The following CRLS1 variants were observed in gnomAD, a reference collection of about 807,000 sequenced individuals.
The protein encoded by CRLS1 is cardiolipin synthase 1, also known as cardiolipin synthase (CMP-forming).
CRLS1 carries 24 observed loss-of-function variants against 37.0 expected under a neutral mutation model. The ratio of observed to expected loss-of-function variants is 0.65; its 90% CI spans 0.47 to 0.91. The LOEUF (loss-of-function observed/expected upper bound fraction) is 0.91. CRLS1 is among the 40% of genes least tolerant of loss of function. The pLI is 0.00. For missense variants in CRLS1, 373 were observed against 395.8 expected (o/e 0.94, Z 0.49); for synonymous variants, 135 against 159.7 (o/e 0.85, Z 1.17).
At chr20:6,021,060 T>G (rs1322598015) in intron 3 of CRLS1, among the ~76,000 whole-genome samples, 2 of 144,194 alleles carry the variant, frequency 1.4e-5, no homozygotes. Flanking sequence ...GATTTTGTTT[T>G]GTATCTTTTT....
chr20:6,021,195 T>C (rs1979258971), intron 3 of CRLS1, among the ~76,000 whole-genome samples: 1 of 151,718 alleles, frequency 6.6e-6, no homozygotes. Flanking sequence ...GTCTCCTGAC[T>C]AGCTGGAATT....
At chr20:6,032,305 CT>C (rs1980223975) in intron 5 of CRLS1, among the ~76,000 whole-genome samples, 1 of 150,760 alleles carries the variant, frequency 6.6e-6, no homozygotes, top group African/African-American at 2.4e-5. Flanking sequence ...AGAGTTTAAG[CT>C]CTGAATGAGG....
intron 5 of CRLS1, 118 bp downstream of exon 5, chr20:6,032,198 G>C: frequency 2.6e-6 from 2 of 778,658 alleles, no homozygotes; most frequent in Non-Finnish European, 4.3e-6. Flanking sequence ...GAGTATAGAG[G>C]CTAGAGAGTA....
intron 1 of CRLS1, among the ~76,000 whole-genome samples, chr20:6,007,743 C>G (rs2090078446): frequency 1.3e-5 from 2 of 152,158 alleles, no homozygotes; most frequent in South Asian, 4.1e-4. Context: ...TTGCTGTAAC[C>G]TTTGATCAGT....
At chr20:6,018,373 T>G (rs1978938969) in intron 3 of CRLS1, among the ~76,000 whole-genome samples, 1 of 152,206 alleles carries the variant, frequency 6.6e-6, no homozygotes, top group Non-Finnish European at 1.5e-5. Flanking sequence ...TACATGCTTA[T>G]TTATGTCTTG....
intron 1 of CRLS1, chr20:6,006,874 CT>C: frequency 1.1e-6 from 1 of 947,022 alleles, no homozygotes; most frequent in Non-Finnish European, 1.3e-6. Context: ...ATTTTTAATT[CT>C]TTTGAAGTGA....
intron 1 of CRLS1, 88 bp downstream of exon 1, chr20:6,006,640 C>T (rs1462505872): frequency 3.3e-6 from 4 of 1,215,822 alleles, no homozygotes; most frequent in African/African-American, 1.6e-5. Flanking sequence ...TGGTGCAGCT[C>T]GGACGCTTCC....
At chr20:6,027,616 T>C (rs1268193845) in intron 3 of CRLS1, among the ~76,000 whole-genome samples, 1 of 151,934 alleles carries the variant, frequency 6.6e-6, no homozygotes, top group Non-Finnish European at 1.5e-5. Flanking sequence ...GGTTTTGCCA[T>C]GTTGGCCAGG....
chr20:6,009,881 G>A lies in CRLS1; in HGVS notation c.413G>A (p.Gly138Glu). The change falls in exon 2 of 7, where the codon GGA becomes GAA. Residue 138 changes from glycine (G) to glutamate (E), a missense_variant. Coordinates refer to ENST00000378863, the MANE Select transcript of CRLS1 (RefSeq NM_019095.6). ...GAAGAAGATTTTAATATTGCACTAG[G>A]AGTTTTTGCTTTAGCTGGACTAACA... Reference protein sequence around the residue: ...IIEEDFNIALGVFALAGLTDL... With the variant: ...IIEEDFNIALEVFALAGLTDL... The A allele has an allele frequency of 6.2e-7, 1 of 1,613,890 alleles. No homozygotes were observed. Among genetic ancestry groups the A allele is most frequent in the Middle Eastern group, 1.7e-4 (1 of 6,060 alleles).
intron 3 of CRLS1, 98 bp from the exon 4 acceptor site, chr20:6,031,187 C>T: frequency 1.4e-6 from 1 of 697,260 alleles, no homozygotes; most frequent in Non-Finnish European, 2.2e-6. Context: ...GTGAAAACAG[C>T]AGTTTGTGGT....
intron 2 of CRLS1, 91 bp downstream of exon 2, chr20:6,010,003 C>T (rs1417272200): frequency 8.5e-5 from 107 of 1,265,462 alleles, no homozygotes; most frequent in Non-Finnish European, 1.1e-4. Context: ...CCTGCTTTTC[C>T]TTGGGAGGAA....
At chr20:6,033,086 A>G (rs1414623022) in intron 5 of CRLS1, among the ~76,000 whole-genome samples, 8 of 149,850 alleles carry the variant, frequency 5.3e-5, no homozygotes, top group African/African-American at 1.9e-4. Context: ...ATTTTATTTT[A>G]TATTTTATAT....
At position 6,006,403 on chromosome 20, in the gene CRLS1, C is replaced by T; in HGVS notation, c.157C>T (p.Pro53Ser). 7.1e-7 allele frequency: 1 copy of T among 1,408,840 alleles called. No homozygotes were observed. The highest frequency in any genetic ancestry group is 9.3e-7 in the Non-Finnish European group (1 of 1,080,088). 87.3% of individuals were successfully genotyped at this position (1,408,840 alleles called of 1,614,324 possible). Residue 53 changes from proline (P) to serine (S), a missense_variant, in exon 1 of 7, where the codon CCG becomes TCG. By Grantham distance (74) the Pro-to-Ser change is moderately conservative (BLOSUM62 -1). Transcript: ENST00000378863. ...CCTGGCCGAACGCTGGAGGCTGCGT[C>T]CGGCCGCTCTTGGCTTGCGGCTGCC... is the stretch of plus-strand genomic sequence containing the variant. ...GCLAERWRLRPAALGLRLPGI... is the reference protein window; with the variant it reads ...GCLAERWRLRSAALGLRLPGI...
intron 2 of CRLS1, among the ~76,000 whole-genome samples, chr20:6,013,180 T>C (rs1196780528): frequency 6.6e-6 from 1 of 151,490 alleles, no homozygotes; most frequent in Non-Finnish European, 1.5e-5. Context: ...TATAAAAATA[T>C]ATGCTGGAGT....
chr20:6,019,374 CTTTA>C (rs990694378), intron 3 of CRLS1, among the ~76,000 whole-genome samples: 1 of 152,096 alleles, frequency 6.6e-6, no homozygotes, highest in Non-Finnish European at 1.5e-5. Context: ...TCCTCATTAA[CTTTA>C]TTTATTTACT....
Position 6,012,895 on chromosome 20 carries a change from A to G in CRLS1, c.445-2466A>G, listed in dbSNP as rs138637362. Among the ~76,000 whole-genome samples, 364 of 152,326 alleles carry G rather than the reference A, an allele frequency of 2.4e-3. 3 individuals are homozygous for G. The highest frequency in any genetic ancestry group is 4.8e-3 in the South Asian group (23 of 4,828). On this transcript the variant is annotated intron_variant, in intron 2 of 6. Coordinates refer to ENST00000378863, the MANE Select transcript of CRLS1 (RefSeq NM_019095.6). ...AAAATTAGGCAGTGAGATTTCCCAG[A>G]AAGTGGAGAAAGTGCTTCAGTTGTG...
In CRLS1 at chr20:6,006,408, C is replaced by G. The variant is rs1163793417; in HGVS notation, c.162C>G (p.Ala54=). The G allele has an allele frequency of 7.1e-7, 1 of 1,409,698 alleles. No individual in the cohort carries two copies. Among genetic ancestry groups the G allele is most frequent in the Non-Finnish European group, 9.3e-7 (1 of 1,080,558 alleles). The allele number at this position is 1,409,698 out of a possible 1,614,324, so 87.3% of individuals were successfully genotyped here. Residue 54 remains alanine, a synonymous_variant, in exon 1 of 7, where the codon GCC becomes GCG. Coordinates refer to ENST00000378863, the MANE Select transcript of CRLS1 (RefSeq NM_019095.6). The stretch of plus-strand genomic sequence containing the variant: ...CCGAACGCTGGAGGCTGCGTCCGGC[C>G]GCTCTTGGCTTGCGGCTGCCCGGGA... ...CLAERWRLRP[A]ALGLRLPGIG...
intron 1 of CRLS1, among the ~76,000 whole-genome samples, chr20:6,008,785 G>A (rs1161189263): frequency 1.3e-5 from 2 of 152,174 alleles, no homozygotes; most frequent in Non-Finnish European, 2.9e-5. Context: ...CTTTAGATAT[G>A]TGTAAGGGAG....
At position 6,034,525 on chromosome 20, in the gene CRLS1, A is replaced by G. The variant is rs1568633095; in HGVS notation, c.791A>G (p.Tyr264Cys). The G allele has an allele frequency of 6.2e-7, 1 of 1,612,752 alleles. No homozygotes were observed. Among genetic ancestry groups the G allele is most frequent in the Non-Finnish European group, 8.5e-7 (1 of 1,179,448 alleles). ...TCTTTGGCAGCTCCAGTTTTCAACT[A>G]TGCTGACAGCATTTATCTTCAGATA... ...AASLAAPVFN[Y>C]ADSIYLQILW... Residue 264 changes from tyrosine to cysteine, a missense_variant, in exon 6 of 7, where the codon TAT becomes TGT. Transcript: ENST00000378863.
Sources: gnomAD v4.1 joint callset for allele counts (sites outside exome capture counted in the v4.1 genomes callset) on GRCh38, gnomAD v4.1.1 for gene constraint, MANE v1.5 for transcripts, NCBI Gene and HGNC (gene_info 2026-07-23, HGNC 2026-07-21) for gene names.